The following YIPF7 variants were observed in gnomAD, a reference collection of about 807,000 sequenced individuals.
YIPF7 encodes the protein protein YIPF7.
A neutral mutation model predicts 27.2 loss-of-function variants in YIPF7; 35 were observed. That is an observed-to-expected ratio of 1.29 (90% confidence interval 0.98 to 1.70). YIPF7 has a LOEUF of 1.70. Ranked by LOEUF, YIPF7 falls within the 40% of genes most tolerant of loss-of-function variation. The pLI, the probability that YIPF7 is intolerant of heterozygous loss-of-function variation, is 0.00. For synonymous variants in YIPF7, 137 were observed against 110.4 expected, an observed-to-expected ratio of 1.24 and a Z score of -1.51; for missense variants, 358 against 303.7, an observed-to-expected ratio of 1.18 and a Z score of -1.33.
chr4:44,633,357 A>C (rs1416017489), intron 3 of YIPF7, among the ~76,000 whole-genome samples: 1 of 152,234 alleles, frequency 6.6e-6, no homozygotes, highest in African/African-American at 2.4e-5. Flanking sequence ...AAAGTGGTAA[A>C]TTAATGCAAC....
chr4:44,661,977 T>C (rs13125888), intron 1 of YIPF7, among the ~76,000 whole-genome samples: 82,519 of 151,628 alleles, frequency 0.54, 23,378 homozygotes, highest in Non-Finnish European at 0.64. Flanking sequence ...TTTTTCTCTT[T>C]AATGCTCTTT....
upstream of YIPF7, among the ~76,000 whole-genome samples, chr4:44,654,518 T>A (rs1338922225): frequency 2.0e-5 from 3 of 151,954 alleles, no homozygotes; most frequent in Non-Finnish European, 4.4e-5. Flanking sequence ...CTTAAGTTGA[T>A]CCTATCTATT....
intron 4 of YIPF7, among the ~76,000 whole-genome samples, chr4:44,625,792 T>G (rs1354836748): frequency 2.6e-5 from 4 of 152,224 alleles, no homozygotes; most frequent in African/African-American, 9.6e-5. Flanking sequence ...GAGGATATTT[T>G]AATGTTTGCT....
At chr4:44,658,628 A>G (rs1445790245) in intron 2 of YIPF7, among the ~76,000 whole-genome samples, 2 of 152,224 alleles carry the variant, frequency 1.3e-5, no homozygotes, top group African/African-American at 4.8e-5. Context: ...AGACGATCCA[A>G]TGGAGTAGAG....
upstream of YIPF7, among the ~76,000 whole-genome samples, chr4:44,656,210 AAT>A (rs1713896889): frequency 6.6e-6 from 1 of 152,012 alleles, no homozygotes; most frequent in Admixed American, 6.6e-5. Context: ...ATATTATTAT[AAT>A]AGTCATTTAA....
At chr4:44,653,246 A>G (rs368869006), upstream of YIPF7, among the ~76,000 whole-genome samples, 2 of 152,120 alleles carry the variant, frequency 1.3e-5, no homozygotes, top group African/African-American at 2.4e-5. Context: ...AGGCTGGACC[A>G]AAAAGGAGCC....
intron 3 of YIPF7, among the ~76,000 whole-genome samples, chr4:44,631,765 A>G (rs1712906119): frequency 6.6e-6 from 1 of 152,154 alleles, no homozygotes; most frequent in East Asian, 1.9e-4. Context: ...GTAATTTTTG[A>G]AAGAGAAGAA....
intron 3 of YIPF7, among the ~76,000 whole-genome samples, chr4:44,635,303 T>C (rs1713077300): frequency 6.6e-6 from 1 of 151,914 alleles, no homozygotes; most frequent in South Asian, 2.1e-4. Flanking sequence ...AAAAAATCAA[T>C]GGATGGAACA....
intron 3 of YIPF7, among the ~76,000 whole-genome samples, chr4:44,632,893 C>T (rs574463346): frequency 1.3e-5 from 2 of 152,168 alleles, no homozygotes; most frequent in South Asian, 4.1e-4. Context: ...GTCCCCAATC[C>T]CCGGGCCGTG....
chr4:44,652,698 A>C (rs1713771992), upstream of YIPF7, among the ~76,000 whole-genome samples: 1 of 152,194 alleles, frequency 6.6e-6, no homozygotes, highest in Non-Finnish European at 1.5e-5. Flanking sequence ...TTTCAGAAAC[A>C]AGCAAACTAA....
chr4:44,648,179 T>C (rs564773073), intron 2 of YIPF7, among the ~76,000 whole-genome samples: 13 of 152,258 alleles, frequency 8.5e-5, no homozygotes, highest in African/African-American at 2.9e-4. Context: ...AAAATGGGGA[T>C]GATAGTGCAA....
intron 2 of YIPF7, among the ~76,000 whole-genome samples, chr4:44,657,925 T>A (rs1713945115): frequency 6.6e-6 from 1 of 151,974 alleles, no homozygotes. Context: ...TTCTCAGTAA[T>A]TGCTATGGAC....
intron 2 of YIPF7, among the ~76,000 whole-genome samples, chr4:44,638,668 A>T (rs530843854): frequency 6.6e-6 from 1 of 152,106 alleles, no homozygotes; most frequent in Admixed American, 6.5e-5. Context: ...TCTGTTGATT[A>T]TTTCTTTTGC....
intron 4 of YIPF7, among the ~76,000 whole-genome samples, chr4:44,625,249 G>C (rs12643828): frequency 0.4 from 60,566 of 151,984 alleles, 12,348 homozygotes; most frequent in East Asian, 0.55. Context: ...ATATATTTAT[G>C]TAATCCACAT....
upstream of YIPF7, among the ~76,000 whole-genome samples, chr4:44,655,995 A>T (rs1334323658): frequency 1.3e-5 from 2 of 152,032 alleles, no homozygotes; most frequent in African/African-American, 4.8e-5. Flanking sequence ...TTGACTTTTA[A>T]TTTGGCTATT....
intron 2 of YIPF7, among the ~76,000 whole-genome samples, chr4:44,641,483 A>T (rs1423197588): frequency 6.6e-6 from 1 of 152,224 alleles, no homozygotes; most frequent in Non-Finnish European, 1.5e-5. Flanking sequence ...AGAAACATAG[A>T]GCTGCCCAGT....
chr4:44,633,639 T>C (rs933964449), intron 3 of YIPF7, among the ~76,000 whole-genome samples: 3 of 152,186 alleles, frequency 2.0e-5, no homozygotes, highest in East Asian at 1.9e-4. Context: ...AGAAAAGATA[T>C]GCTGGGTTTA....
chr4:44,623,694 GTTGT>G (rs774037841), intron 5 of YIPF7, among the ~76,000 whole-genome samples: 3 of 152,208 alleles, frequency 2.0e-5, no homozygotes, highest in South Asian at 2.1e-4. Context: ...AATTTCTAGA[GTTGT>G]TTAATGTACT....
At chr4:44,627,072 G>A (rs1378306688) in intron 4 of YIPF7, among the ~76,000 whole-genome samples, 5 of 151,778 alleles carry the variant, frequency 3.3e-5, no homozygotes, top group Admixed American at 2.0e-4. Flanking sequence ...ATGAGCCACC[G>A]CACCAGGCCC....
Sources: gnomAD v4.1 joint callset for allele counts (sites outside exome capture counted in the v4.1 genomes callset) on GRCh38, gnomAD v4.1.1 for gene constraint, MANE v1.5 for transcripts, NCBI Gene and HGNC (gene_info 2026-07-23, HGNC 2026-07-21) for gene names.